BUB1: variants seen among roughly 807,000 people sequenced by gnomAD.
The protein encoded by BUB1 is BUB1 mitotic checkpoint serine/threonine kinase.
BUB1 carries 84 observed loss-of-function variants against 135.2 expected under a neutral mutation model. That is an observed-to-expected ratio of 0.62 (90% CI 0.52 to 0.74). BUB1 has a LOEUF of 0.74. Among genes scored for constraint, BUB1 ranks in the 30% least tolerant of loss-of-function variants. The pLI is 0.00. For synonymous variants in BUB1, 403 were observed against 434.4 expected (o/e 0.93, Z 0.90); for missense variants, 1,162 against 1,288.3 (o/e 0.90, Z 1.50).
chr2:110,666,606 T>G (rs1690262879), intron 8 of BUB1, among the ~76,000 whole-genome samples, 192 bp from the exon 9 acceptor site: 1 of 151,442 alleles, frequency 6.6e-6, no homozygotes, highest in Admixed American at 6.6e-5. Flanking sequence ...TACTACATGT[T>G]TAGGACATGT....
chr2:110,639,487 G>A (rs554969656), intron 24 of BUB1, among the ~76,000 whole-genome samples: 1 of 152,100 alleles, frequency 6.6e-6, no homozygotes, highest in African/African-American at 2.4e-5. Context: ...AAACATTTGC[G>A]TGTGTACAGG....
In BUB1 at chr2:110,641,301, A is replaced by C. The variant is rs201822874; in HGVS notation, c.2783+6T>G. Reference sequence around the variant, plus strand: ...AGAAGAACCCTGTTAAAAGCATAACACTTGCCCGTTTCCAAGTATGAAATT... The same window carrying C: ...AGAAGAACCCTGTTAAAAGCATAACCCTTGCCCGTTTCCAAGTATGAAATT... On this transcript the variant is annotated splice_donor_region_variant and intron_variant, in intron 22 of 24. Coordinates refer to ENST00000302759, the MANE Select transcript of BUB1 (RefSeq NM_004336.5). 1.9e-6 allele frequency: 3 copies of C among 1,605,218 alleles called. No homozygotes were observed. In the Admixed American group the frequency reaches 5.1e-5, roughly 27 times the overall value.
At chr2:110,669,062 C>T (rs1273475556) in intron 6 of BUB1, among the ~76,000 whole-genome samples, 1 of 152,144 alleles carries the variant, frequency 6.6e-6, no homozygotes, top group Non-Finnish European at 1.5e-5. Flanking sequence ...CTTGAGGTAA[C>T]AGGCAGCAAT....
At chr2:110,676,344 GA>G (rs1690582136) in intron 1 of BUB1, among the ~76,000 whole-genome samples, 1 of 152,160 alleles carries the variant, frequency 6.6e-6, no homozygotes, top group African/African-American at 2.4e-5. Context: ...AAAAACATGT[GA>G]AAAGATTGTG....
At chr2:110,674,808 G>T in intron 1 of BUB1, 1 of 210,818 alleles carries the variant, frequency 4.7e-6, no homozygotes, top group Non-Finnish European at 9.5e-6. Flanking sequence ...CCTTCCAGTG[G>T]GATCCAGGCA....
chr2:110,658,349 A>G, intron 13 of BUB1, 61 bp downstream of exon 13: 4 of 1,365,214 alleles, frequency 2.9e-6, no homozygotes, highest in Non-Finnish European at 4.0e-6. Context: ...ATAATTCTTG[A>G]TATTTTCTGT....
chr2:110,658,508 T>C lies in BUB1; in HGVS notation c.1418A>G (p.Asn473Ser), dbSNP rs1689992931. Residue 473 changes from asparagine (N) to serine (S), a missense_variant, in exon 13 of 25, where the codon AAT becomes AGT. By Grantham distance (46) the Asn-to-Ser change is conservative (BLOSUM62 1). Transcript: ENST00000302759. ...HTKEALGFIM[N>S]MFQAPTLPDI... The stretch of plus-strand genomic sequence containing the variant: ...AGGAAGTGTAGGAGCCTGAAACATA[T>C]TCATGATGAAACCTTAAAGAACAAA... 1 of 1,613,972 alleles carries C rather than the reference T, an allele frequency of 6.2e-7. No individual in the cohort carries two copies. Among genetic ancestry groups the C allele is most frequent in the Non-Finnish European group, 8.5e-7 (1 of 1,179,938 alleles).
At position 110,661,786 on chromosome 2, in the gene BUB1, G is replaced by A; in HGVS notation, c.1013C>T (p.Pro338Leu). The change falls in exon 10 of 25, where the codon CCA becomes CTA. Residue 338 changes from proline to leucine, a missense_variant. Coordinates refer to ENST00000302759, the MANE Select transcript of BUB1 (RefSeq NM_004336.5). Reference protein sequence around the residue: ...SVGSQQELRAPCLPVTYQQTP... With the variant: ...SVGSQQELRALCLPVTYQQTP... ...CTGCTGATAGGTTACTGGAAGACAT[G>A]GCGCTCTCAGTTCCTGCTGGGAGCC... 6.2e-7 allele frequency: 1 copy of A among 1,614,198 alleles called. No individual in the cohort carries two copies. Among genetic ancestry groups the A allele is most frequent in the Non-Finnish European group, 8.5e-7 (1 of 1,180,034 alleles).
At chr2:110,670,787 C>G (rs921464956) in intron 4 of BUB1, among the ~76,000 whole-genome samples, 1 of 152,134 alleles carries the variant, frequency 6.6e-6, no homozygotes, top group Non-Finnish European at 1.5e-5. Flanking sequence ...AAAAATTCCT[C>G]CTTTTGCTTA....
At chr2:110,671,463 CG>C (rs551620169) in intron 4 of BUB1, among the ~76,000 whole-genome samples, 155 of 151,952 alleles carry the variant, frequency 1.0e-3, no homozygotes, top group African/African-American at 3.5e-3. Flanking sequence ...ATCTCAATGA[CG>C]TTTTAAAAAA....
At position 110,657,561 on chromosome 2, in the gene BUB1, T is replaced by C; in HGVS notation, c.1601A>G (p.Asn534Ser). ...SSAFHVFEDG[N>S]KENYGLPQPK... is the part of the protein sequence containing the mutation. Reference sequence around the variant, plus strand: ...ATTTTTTTACCCATAATTTTCTTTGTTTCCATCTTCAAACACATGAAAAGC... The same window carrying C: ...ATTTTTTTACCCATAATTTTCTTTGCTTCCATCTTCAAACACATGAAAAGC... The change falls in exon 14 of 25, where the codon AAC becomes AGC. Residue 534 changes from asparagine to serine, a missense_variant. By Grantham distance (46) the Asn-to-Ser change is conservative (BLOSUM62 1). Coordinates refer to ENST00000302759, the MANE Select transcript of BUB1 (RefSeq NM_004336.5). The C allele has an allele frequency of 5.6e-6, 9 of 1,605,024 alleles. No homozygotes were observed. Among genetic ancestry groups the C allele is most frequent in the Non-Finnish European group, 7.7e-6 (9 of 1,175,964 alleles).
chr2:110,643,168 A>G (rs945569722), intron 19 of BUB1, among the ~76,000 whole-genome samples: 3 of 152,142 alleles, frequency 2.0e-5, no homozygotes, highest in Admixed American at 6.5e-5. Context: ...TCCATTAGAG[A>G]ACTGAGGTCA....
rs955226700 is a variant in BUB1, at chr2:110,646,129, C to T, written c.2347+3105G>A. Among the ~76,000 whole-genome samples, 3 of 135,088 alleles carry T rather than the reference C, an allele frequency of 2.2e-5. No homozygotes were observed. The East Asian group carries it at 6.4e-4, about 29-fold the overall frequency. 88.6% of individuals were successfully genotyped at this position (135,088 alleles called of 152,430 possible). On this transcript the variant is annotated intron_variant, in intron 19 of 24. Transcript: ENST00000302759. ...GAAAGATGGATTGAGGTCAGAAGTT[C>T]GAGACCTGGGCAACATAGCGAGAAC...
rs1276723221 is a variant in BUB1 at position 110,653,626 on chromosome 2, G to A, written c.1877-103C>T. 2.6e-4 allele frequency: 235 copies of A among 889,110 alleles called. 4 individuals are homozygous for A. 55.1% of individuals were successfully genotyped at this position (889,110 alleles called of 1,614,324 possible). On this transcript the variant is annotated intron_variant, in intron 16 of 24. Coordinates refer to ENST00000302759, the MANE Select transcript of BUB1 (RefSeq NM_004336.5). The stretch of plus-strand genomic sequence containing the variant: ...AAAGTCTAGGATTTCTTTTGACACT[G>A]ACTTGCATTATGATTTCAAAATAGT...
chr2:110,672,238 G>A (rs999314523), intron 4 of BUB1, among the ~76,000 whole-genome samples: 3 of 151,876 alleles, frequency 2.0e-5, no homozygotes, highest in African/African-American at 7.3e-5. Flanking sequence ...AAAAAAAAAA[G>A]TATTTATCAT....
chr2:110,676,800 A>T (rs935514572), intron 1 of BUB1, among the ~76,000 whole-genome samples: 3 of 152,174 alleles, frequency 2.0e-5, no homozygotes, highest in Non-Finnish European at 4.4e-5. Context: ...TTATATTTCC[A>T]AAAAGAAACT....
At chr2:110,672,478 T>C (rs1271766897) in intron 4 of BUB1, among the ~76,000 whole-genome samples, 183 bp downstream of exon 4, 1 of 152,162 alleles carries the variant, frequency 6.6e-6, no homozygotes, top group African/African-American at 2.4e-5. Flanking sequence ...TAGAAGGAAA[T>C]GTGCCAGTTA....
intron 1 of BUB1, among the ~76,000 whole-genome samples, 182 bp from the exon 2 acceptor site, chr2:110,674,547 T>C (rs1001537638): frequency 1.3e-5 from 2 of 152,246 alleles, no homozygotes; most frequent in Non-Finnish European, 2.9e-5. Context: ...CCAAATAGTA[T>C]TTAAAATTTT....
intron 19 of BUB1, among the ~76,000 whole-genome samples, chr2:110,647,367 G>GA (rs1312752609): frequency 6.6e-6 from 1 of 152,068 alleles, no homozygotes; most frequent in Non-Finnish European, 1.5e-5. Context: ...CAACAATGTA[G>GA]AAAAAGAATT....
Sources: gnomAD v4.1 joint callset for allele counts (sites outside exome capture counted in the v4.1 genomes callset) on GRCh38, gnomAD v4.1.1 for gene constraint, MANE v1.5 for transcripts, NCBI Gene and HGNC (gene_info 2026-07-23, HGNC 2026-07-21) for gene names.